Variants in TRAF3IP1 observed in about 807,000 individuals in gnomAD.
TRAF3IP1 encodes the protein intraflagellar transport 54, also known as TRAF3-interacting protein 1.
Under a neutral mutation model 89.9 loss-of-function variants are expected in TRAF3IP1, and 53 were observed. The observed-to-expected ratio is 0.59, with a 90% CI of 0.47 to 0.74. The LOEUF is 0.74. TRAF3IP1 is among the 30% of genes least tolerant of loss of function. The probability of loss-of-function intolerance (pLI) is 0.00; values close to 1 mark genes in which losing one functional copy is unlikely to be tolerated. For synonymous variants in TRAF3IP1, 311 were observed against 322.1 expected (o/e 0.97, Z 0.37); for missense variants, 806 against 866.1 (o/e 0.93, Z 0.87).
At chr2:238,382,810 A>G (rs1350111703) in intron 15 of TRAF3IP1, among the ~76,000 whole-genome samples, 1 of 146,958 alleles carries the variant, frequency 6.8e-6, no homozygotes, top group African/African-American at 2.6e-5. Flanking sequence ...GCTTCTCTCT[A>G]GTCCTGCTGC....
rs374947050 is a variant in TRAF3IP1, at chr2:238,343,569, C to T, written c.1160-928C>T. ...GCTAATTTTTGTAGATATGAGGTTTCGCTATGTTGCCCAGGCTGGTGCCTG... is the reference window on the plus strand; with the variant it reads ...GCTAATTTTTGTAGATATGAGGTTTTGCTATGTTGCCCAGGCTGGTGCCTG... On this transcript the variant is annotated intron_variant, in intron 8 of 16. Coordinates refer to ENST00000373327, the MANE Select transcript of TRAF3IP1 (RefSeq NM_015650.4). Among the ~76,000 whole-genome samples, 9 of 150,252 alleles carry T rather than the reference C, an allele frequency of 6.0e-5. No individual in the cohort carries two copies. The East Asian group carries it at 9.9e-4, about 17-fold the overall frequency.
intron 15 of TRAF3IP1, among the ~76,000 whole-genome samples, chr2:238,370,689 A>G (rs373305141): frequency 2.6e-4 from 39 of 152,330 alleles, no homozygotes; most frequent in African/African-American, 8.4e-4. Flanking sequence ...GGCATCTCAT[A>G]AGGTGAAGAC....
chr2:238,327,880 TC>T, intron 3 of TRAF3IP1, among the ~76,000 whole-genome samples: 1 of 152,330 alleles, frequency 6.6e-6, no homozygotes, highest in Admixed American at 6.5e-5. Context: ...AATATAATGT[TC>T]TCAAGGTTTA....
At chr2:238,323,255 T>C (rs1283768512) in intron 1 of TRAF3IP1, among the ~76,000 whole-genome samples, 1 of 152,156 alleles carries the variant, frequency 6.6e-6, no homozygotes, top group East Asian at 1.9e-4. Context: ...ATTTTTCTAT[T>C]TTTAGTAGAG....
At position 238,325,990 on chromosome 2, in the gene TRAF3IP1, A is replaced by C. The variant is rs765042926; in HGVS notation, c.354+20A>C. On this transcript the variant is annotated intron_variant, in intron 3 of 16. Coordinates refer to ENST00000373327, the MANE Select transcript of TRAF3IP1 (RefSeq NM_015650.4). ...AACAAGGTACTACTGCTGTCCTGGCATTTTGAACTTACTTAGTACTTGAGT... is the reference window on the plus strand; with the variant it reads ...AACAAGGTACTACTGCTGTCCTGGCCTTTTGAACTTACTTAGTACTTGAGT... The C allele has an allele frequency of 2.5e-6, 4 of 1,601,328 alleles. No individual in the cohort carries two copies. Among genetic ancestry groups the C allele is most frequent in the Non-Finnish European group, 2.6e-6 (3 of 1,173,804 alleles).
chr2:238,379,888 A>G lies in TRAF3IP1; in HGVS notation c.1690-17571A>G, dbSNP rs888144093. On this transcript the variant is annotated intron_variant, in intron 15 of 16. Coordinates refer to ENST00000373327, the MANE Select transcript of TRAF3IP1 (RefSeq NM_015650.4). This position sits in a 1 kb window ranked among gnomAD's most constrained non-coding sequence, Gnocchi z 4.0. ...AAAATAGCAAATCCAATTAGTTAGT[A>G]CAGAGGTGGAAATAAAAAACAAAAT... 9.9e-5 allele frequency among the ~76,000 whole-genome samples: 15 copies of G among 152,246 alleles called. No homozygotes were observed. The highest frequency in any genetic ancestry group is 3.6e-4 in the African/African-American group (15 of 41,464).
At chr2:238,355,176 T>G (rs1486105087) in intron 14 of TRAF3IP1, among the ~76,000 whole-genome samples, 1 of 152,186 alleles carries the variant, frequency 6.6e-6, no homozygotes, top group Non-Finnish European at 1.5e-5. Flanking sequence ...AGGTCAGATG[T>G]ACAAAACCAG....
At chr2:238,356,821 C>G (rs1252979173) in intron 15 of TRAF3IP1, among the ~76,000 whole-genome samples, 1 of 151,496 alleles carries the variant, frequency 6.6e-6, no homozygotes, top group Non-Finnish European at 1.5e-5. Context: ...CTCTGTCGCC[C>G]AGGCTGGAGA....
intron 15 of TRAF3IP1, among the ~76,000 whole-genome samples, chr2:238,396,211 G>A (rs1230234224): frequency 6.6e-6 from 1 of 152,086 alleles, no homozygotes; most frequent in African/African-American, 2.4e-5. Context: ...TAAAAATGAT[G>A]AGTTCATGTC....
At chr2:238,343,666 TC>T (rs377654576) in intron 8 of TRAF3IP1, among the ~76,000 whole-genome samples, 31 of 99,404 alleles carry the variant, frequency 3.1e-4, no homozygotes, top group African/African-American at 6.1e-4. Flanking sequence ...TTTTTTTTTT[TC>T]CCCGAGATAG....
At chr2:238,366,636 C>T (rs190271237) in intron 15 of TRAF3IP1, among the ~76,000 whole-genome samples, 138 of 152,090 alleles carry the variant, frequency 9.1e-4, no homozygotes, top group Middle Eastern at 3.4e-3. Flanking sequence ...ATTATGTCCT[C>T]GGTTTTTTAG....
chr2:238,390,301 C>T (rs1438748365), intron 15 of TRAF3IP1, among the ~76,000 whole-genome samples: 1 of 152,174 alleles, frequency 6.6e-6, no homozygotes, highest in African/African-American at 2.4e-5. Context: ...CCTCTGAGCT[C>T]AGGATCACCA....
intron 2 of TRAF3IP1, among the ~76,000 whole-genome samples, 190 bp from the exon 3 acceptor site, chr2:238,325,619 A>C (rs1559353141): frequency 6.6e-6 from 1 of 152,236 alleles, no homozygotes; most frequent in East Asian, 1.9e-4. Flanking sequence ...CTAGCCCATC[A>C]ACTAAATTAA....
chr2:238,323,268 G>A (rs917089975), intron 1 of TRAF3IP1, among the ~76,000 whole-genome samples: 1 of 152,034 alleles, frequency 6.6e-6, no homozygotes, highest in African/African-American at 2.4e-5. Context: ...TAGTAGAGAT[G>A]GGGTTTCGCC....
rs186319113 is a variant in TRAF3IP1 at position 238,398,683 on chromosome 2, A to G, written c.1911-71A>G. On this transcript the variant is annotated intron_variant, in intron 16 of 16. Transcript: ENST00000373327. The stretch of plus-strand genomic sequence containing the variant: ...AATAATTTACTTCTGTTGTCTTTCA[A>G]TGTCTTAATTAAGAAGCCAACACAC... 173 of 1,389,630 alleles carry G rather than the reference A, an allele frequency of 1.2e-4. No individual in the cohort carries two copies. The highest frequency in any genetic ancestry group is 2.7e-4 in the Admixed American group (10 of 37,446). The allele number at this position is 1,389,630 out of a possible 1,614,324, so 86.1% of individuals were successfully genotyped here. A position where few individuals can be genotyped will look rare whatever the true frequency, so the allele number is the denominator to read the frequency against.
At chr2:238,326,085 CA>C in intron 3 of TRAF3IP1, 115 bp downstream of exon 3, 1 of 984,136 alleles carries the variant, frequency 1.0e-6, no homozygotes, top group Non-Finnish European at 1.5e-6. Context: ...TGGTGTCTGT[CA>C]AACACTGTGC....
intron 15 of TRAF3IP1, among the ~76,000 whole-genome samples, chr2:238,362,584 G>A (rs1182119237): frequency 6.6e-6 from 1 of 152,108 alleles, no homozygotes; most frequent in Non-Finnish European, 1.5e-5. Context: ...GAGAAGGCCT[G>A]CCCTTCTCCT....
rs1701388869 is a variant in TRAF3IP1 at position 238,399,725 on chromosome 2, G to A, written c.*806G>A. Reference sequence around the variant, plus strand: ...CCTTAAGAGGGTCTCGCTCTGCAAAGCATTGGCGCCATGGCTTTTCCTTTG... The same window carrying A: ...CCTTAAGAGGGTCTCGCTCTGCAAAACATTGGCGCCATGGCTTTTCCTTTG... On this transcript the variant is annotated 3_prime_UTR_variant, in exon 17 of 17. Transcript: ENST00000373327. The A allele has an allele frequency of 1.3e-5, 2 of 152,170 alleles. No homozygotes were observed. Among genetic ancestry groups the A allele is most frequent in the Admixed American group, 1.3e-4 (2 of 15,274 alleles). 9.4% of individuals were successfully genotyped at this position (152,170 alleles called of 1,614,324 possible).
chr2:238,378,162 T>C (rs537891979), intron 15 of TRAF3IP1, among the ~76,000 whole-genome samples: 11 of 152,166 alleles, frequency 7.2e-5, no homozygotes, highest in Non-Finnish European at 1.6e-4. Flanking sequence ...TTAATCTTTG[T>C]TTTTCTTTTC....
Sources: gnomAD v4.1 joint callset for allele counts (sites outside exome capture counted in the v4.1 genomes callset) on GRCh38, gnomAD v4.1.1 for gene constraint, Gnocchi (gnomAD v3.1) non-coding constraint, MANE v1.5 for transcripts, NCBI Gene and HGNC (gene_info 2026-07-23, HGNC 2026-07-21) for gene names.